CSMD1: variants seen among roughly 807,000 people sequenced by gnomAD.
CSMD1 encodes CUB and Sushi multiple domains 1.
Under a neutral mutation model 417.5 loss-of-function variants are expected in CSMD1, and 213 were observed. That is an observed-to-expected ratio of 0.51 (90% CI 0.46 to 0.57). The LOEUF is 0.57. Among genes scored for constraint, CSMD1 ranks in the 20% least tolerant of loss-of-function variants. The pLI is 0.00. For synonymous variants in CSMD1, 2,862 were observed against 1,736.8 expected (o/e 1.65, Z -16.11); for missense variants, 6,923 against 4,529.7 (o/e 1.53, Z -15.17).
At chr8:3,341,414 G>A (rs1037542678) in intron 23 of CSMD1, among the ~76,000 whole-genome samples, 3 of 152,188 alleles carry the variant, frequency 2.0e-5, no homozygotes, top group Non-Finnish European at 4.4e-5. Context: ...GAGAAAATGA[G>A]ACCAAGTGTT....
intron 1 of CSMD1, among the ~76,000 whole-genome samples, chr8:4,991,594 G>T (rs1049222065): frequency 1.3e-5 from 2 of 152,142 alleles, no homozygotes; most frequent in East Asian, 1.9e-4. Flanking sequence ...GCGCCCTCCT[G>T]CCGGAGCGCT....
At chr8:4,668,859 C>G (rs1585421943) in intron 1 of CSMD1, among the ~76,000 whole-genome samples, 2 of 152,204 alleles carry the variant, frequency 1.3e-5, no homozygotes, top group African/African-American at 4.8e-5. Context: ...ATGTTTATCT[C>G]TGTATTTTCT....
At chr8:4,195,149 G>A (rs547651233) in intron 3 of CSMD1, among the ~76,000 whole-genome samples, 1 of 152,268 alleles carries the variant, frequency 6.6e-6, no homozygotes, top group East Asian at 1.9e-4. Context: ...TTTGATGACA[G>A]TTCTATCCAG....
chr8:4,186,991 T>C (rs1318015174), intron 3 of CSMD1, among the ~76,000 whole-genome samples: 2 of 152,128 alleles, frequency 1.3e-5, no homozygotes, highest in African/African-American at 2.4e-5. Flanking sequence ...CAAAAAAATA[T>C]AAATAAAAAT....
intron 3 of CSMD1, among the ~76,000 whole-genome samples, chr8:4,222,918 T>C (rs1400564289): frequency 6.6e-6 from 1 of 151,954 alleles, no homozygotes; most frequent in Non-Finnish European, 1.5e-5. Flanking sequence ...ATGCAAAGCG[T>C]TTATAATCCA....
At chr8:3,831,012 G>A (rs550749056) in intron 5 of CSMD1, among the ~76,000 whole-genome samples, 1 of 152,144 alleles carries the variant, frequency 6.6e-6, no homozygotes, top group Non-Finnish European at 1.5e-5. Flanking sequence ...ATTTCTGCTT[G>A]TTGGCTCTGA....
intron 1 of CSMD1, among the ~76,000 whole-genome samples, chr8:4,966,185 G>A (rs1439879723): frequency 2.9e-5 from 4 of 140,106 alleles, no homozygotes; most frequent in Non-Finnish European, 4.5e-5. Flanking sequence ...CTAACATAGT[G>A]GAAGCCCGTC....
At chr8:3,377,389 T>A (rs1321174617) in intron 18 of CSMD1, among the ~76,000 whole-genome samples, 1 of 152,218 alleles carries the variant, frequency 6.6e-6, no homozygotes, top group Non-Finnish European at 1.5e-5. Flanking sequence ...ATGCTATTGA[T>A]TCCTTCGAAA....
At chr8:4,320,910 ATCT>A (rs1389185647) in intron 3 of CSMD1, among the ~76,000 whole-genome samples, 6 of 152,136 alleles carry the variant, frequency 3.9e-5, no homozygotes, top group Non-Finnish European at 8.8e-5. Flanking sequence ...CACTTATAGT[ATCT>A]TCTTCTTTGT....
intron 7 of CSMD1, among the ~76,000 whole-genome samples, chr8:3,621,700 C>G (rs1796249066): frequency 6.6e-6 from 1 of 151,910 alleles, no homozygotes; most frequent in Non-Finnish European, 1.5e-5. Context: ...TCCAGCAATC[C>G]TCCCAAATAG....
chr8:3,636,720 T>G (rs2117287785), intron 7 of CSMD1, among the ~76,000 whole-genome samples: 1 of 152,336 alleles, frequency 6.6e-6, no homozygotes, highest in South Asian at 2.1e-4. Flanking sequence ...GTGACCATCT[T>G]GGGAGCAGCT....
At chr8:4,434,388 C>G (rs1293939486) in intron 2 of CSMD1, among the ~76,000 whole-genome samples, 1 of 152,140 alleles carries the variant, frequency 6.6e-6, no homozygotes, top group Admixed American at 6.6e-5. Context: ...GATCTAAGAA[C>G]ACTAAATCTG....
At chr8:4,319,248 T>C (rs1395570010) in intron 3 of CSMD1, among the ~76,000 whole-genome samples, 2 of 152,144 alleles carry the variant, frequency 1.3e-5, no homozygotes, top group African/African-American at 4.8e-5. Context: ...CATTTTTCCC[T>C]TTTGCTTTCC....
intron 25 of CSMD1, among the ~76,000 whole-genome samples, chr8:3,288,152 C>A (rs961320616): frequency 6.8e-6 from 1 of 147,306 alleles, no homozygotes; most frequent in Non-Finnish European, 1.5e-5. Flanking sequence ...AGGGATGAAG[C>A]CCACTTGATC....
At chr8:3,834,359 T>G (rs1802549097) in intron 5 of CSMD1, among the ~76,000 whole-genome samples, 1 of 152,126 alleles carries the variant, frequency 6.6e-6, no homozygotes, top group African/African-American at 2.4e-5. Flanking sequence ...GGGACTGAGT[T>G]TAACCTTGTC....
chr8:3,767,325 G>C (rs960669027), intron 5 of CSMD1, among the ~76,000 whole-genome samples: 1 of 152,200 alleles, frequency 6.6e-6, no homozygotes, highest in African/African-American at 2.4e-5. Flanking sequence ...ACGGACAGTG[G>C]AGTCATACTG....
intron 2 of CSMD1, among the ~76,000 whole-genome samples, chr8:4,460,773 G>A (rs1298855148): frequency 6.6e-6 from 1 of 152,066 alleles, no homozygotes. Context: ...TCAAGTAAAG[G>A]TAGTAATTTT....
In CSMD1 at chr8:3,435,168, A is replaced by G. The variant is rs547056287; in HGVS notation, c.1562-25563T>C. 2.6e-5 allele frequency among the ~76,000 whole-genome samples: 4 copies of G among 152,324 alleles called. No homozygotes were observed. The East Asian group carries it at 7.7e-4, about 29-fold the overall frequency. ...CACTCCCCTTTGGTGAATCCCAATG[A>G]GAAGTCAGAGGGCAAAAAAGCCCCT... On this transcript the variant is annotated intron_variant, in intron 12 of 69. Coordinates refer to ENST00000635120, the MANE Select transcript of CSMD1 (RefSeq NM_033225.6).
intron 1 of CSMD1, among the ~76,000 whole-genome samples, chr8:4,917,785 T>G (rs535295421): frequency 1.3e-5 from 2 of 152,272 alleles, no homozygotes; most frequent in South Asian, 4.1e-4. Context: ...AAAGCCATAA[T>G]GTGAAAAGTG....
Sources: allele counts gnomAD v4.1 joint callset (sites outside exome capture counted in the v4.1 genomes callset), GRCh38; gene constraint gnomAD v4.1.1; transcripts MANE v1.5; gene names NCBI Gene and HGNC (gene_info 2026-07-23, HGNC 2026-07-21).